The following SHISA9 variants were observed in gnomAD, a reference collection of about 807,000 sequenced individuals.
The protein encoded by SHISA9 is shisa family member 9, also known as protein shisa-9.
Under a neutral mutation model 38.0 loss-of-function variants are expected in SHISA9, and 13 were observed. The ratio of observed to expected loss-of-function variants is 0.34; its 90% CI spans 0.22 to 0.54. The LOEUF is 0.54. Among genes scored for constraint, SHISA9 ranks in the 20% least tolerant of loss-of-function variants. The pLI is 0.91. For missense variants in SHISA9, 538 were observed against 575.8 expected, an observed-to-expected ratio of 0.93 and a Z score of 0.67; for synonymous variants, 275 against 242.0, an observed-to-expected ratio of 1.14 and a Z score of -1.27.
the SHISA9 span, among the ~76,000 whole-genome samples, chr16:13,560,927 A>C: frequency 6.6e-6 from 1 of 152,076 alleles, no homozygotes; most frequent in East Asian, 1.9e-4. Context: ...GCAGTGGCAC[A>C]ATCTCGGCTC....
At chr16:13,047,305 A>G (rs1477917840) in intron 2 of SHISA9, among the ~76,000 whole-genome samples, 2 of 151,714 alleles carry the variant, frequency 1.3e-5, no homozygotes, top group South Asian at 2.1e-4. Flanking sequence ...CAGGCTGTCC[A>G]TTCCTCCATC....
At chr16:13,358,113 C>T in the SHISA9 span, among the ~76,000 whole-genome samples, 2 of 152,158 alleles carry the variant, frequency 1.3e-5, no homozygotes, top group African/African-American at 2.4e-5. Context: ...AATCTTCCTT[C>T]ATCCAGCAAG....
chr16:12,983,721 C>T (rs1344005896), intron 2 of SHISA9, among the ~76,000 whole-genome samples: 1 of 152,194 alleles, frequency 6.6e-6, no homozygotes, highest in African/African-American at 2.4e-5. Flanking sequence ...ATCTCCTGAC[C>T]TTGTGATCCA....
intron 2 of SHISA9, among the ~76,000 whole-genome samples, chr16:13,157,837 C>A (rs1406479406): frequency 6.6e-6 from 1 of 152,180 alleles, no homozygotes; most frequent in African/African-American, 2.4e-5. Context: ...TCAGTGAACA[C>A]AGATTTGAGT....
the SHISA9 span, among the ~76,000 whole-genome samples, chr16:13,356,510 C>A: frequency 2.0e-5 from 3 of 151,960 alleles, no homozygotes; most frequent in African/African-American, 7.3e-5. Flanking sequence ...AGTCACGGAA[C>A]GAAACGGTAA....
At chr16:13,243,036 C>T (rs556161552), downstream of SHISA9, among the ~76,000 whole-genome samples, 43 of 152,056 alleles carry the variant, frequency 2.8e-4, no homozygotes, top group African/African-American at 8.9e-4. Flanking sequence ...GTCAGGAGTT[C>T]GAGACCAGCC....
At chr16:13,142,361 C>T (rs2050409250) in intron 2 of SHISA9, among the ~76,000 whole-genome samples, 1 of 152,190 alleles carries the variant, frequency 6.6e-6, no homozygotes, top group African/African-American at 2.4e-5. Flanking sequence ...AACTATATTG[C>T]CTGAGGCGGG....
the SHISA9 span, among the ~76,000 whole-genome samples, chr16:13,250,287 G>T: frequency 1.3e-5 from 2 of 152,180 alleles, no homozygotes; most frequent in African/African-American, 2.4e-5. Context: ...AAGCTTAGGG[G>T]TGGAGGAGTG....
At chr16:12,923,986 C>G (rs1011019263) in intron 2 of SHISA9, among the ~76,000 whole-genome samples, 4 of 152,134 alleles carry the variant, frequency 2.6e-5, no homozygotes, top group African/African-American at 9.7e-5. Context: ...GGGTAGGGAT[C>G]AGGACCATCT....
chr16:13,301,640 T>C, the SHISA9 span, among the ~76,000 whole-genome samples: 1 of 152,210 alleles, frequency 6.6e-6, no homozygotes, highest in Non-Finnish European at 1.5e-5. Context: ...TTTGAAAGGG[T>C]ATTTAATTTC....
intron 2 of SHISA9, among the ~76,000 whole-genome samples, chr16:12,948,006 C>T (rs892260465): frequency 1.3e-5 from 2 of 152,140 alleles, no homozygotes; most frequent in South Asian, 4.1e-4. Flanking sequence ...AACACCATAG[C>T]CTTTGGGGCT....
At chr16:13,426,568 AG>A in the SHISA9 span, among the ~76,000 whole-genome samples, 2 of 152,196 alleles carry the variant, frequency 1.3e-5, no homozygotes, top group Non-Finnish European at 2.9e-5. Context: ...TTTTAGACCA[AG>A]GCCACTTAAT....
At chr16:13,194,896 T>C (rs945299027) in intron 2 of SHISA9, among the ~76,000 whole-genome samples, 1 of 152,208 alleles carries the variant, frequency 6.6e-6, no homozygotes, top group African/African-American at 2.4e-5. Context: ...GAGCCAGGTT[T>C]ATTATTCTTG....
At chr16:13,376,592 C>T in the SHISA9 span, among the ~76,000 whole-genome samples, 1 of 152,180 alleles carries the variant, frequency 6.6e-6, no homozygotes, top group African/African-American at 2.4e-5. Flanking sequence ...TGAGCAAACA[C>T]ATGGATTTTT....
At chr16:12,975,126 T>G (rs76004760) in intron 2 of SHISA9, among the ~76,000 whole-genome samples, 1,681 of 152,272 alleles carry the variant, frequency 0.011, 34 homozygotes, top group African/African-American at 0.038. Context: ...GGGGCTTTTG[T>G]TTAAGTGTGT....
the SHISA9 span, among the ~76,000 whole-genome samples, chr16:13,351,868 G>A: frequency 1.2e-4 from 19 of 152,182 alleles, no homozygotes; most frequent in African/African-American, 4.6e-4. Context: ...GATCAAACAC[G>A]GGGAACTGTA....
At chr16:13,254,030 T>C in the SHISA9 span, among the ~76,000 whole-genome samples, 1 of 152,184 alleles carries the variant, frequency 6.6e-6, no homozygotes, top group African/African-American at 2.4e-5. Flanking sequence ...TACTGCACAC[T>C]TCAGTGGTAG....
the SHISA9 span, among the ~76,000 whole-genome samples, chr16:13,260,007 C>CTTTTTTTTTTTTTTTTTTTTTTTTT: frequency 1.2e-4 from 7 of 60,418 alleles, 1 homozygote; most frequent in African/African-American, 1.3e-4. Flanking sequence ...TTCTTTCTTT[C>CTTTTTTTTTTTTTTTTTTTTTTTTT]TTTTTTTTTT....
At chr16:13,545,928 T>C in the SHISA9 span, among the ~76,000 whole-genome samples, 2 of 152,284 alleles carry the variant, frequency 1.3e-5, no homozygotes, top group South Asian at 4.1e-4. Flanking sequence ...CTGGGACTTT[T>C]AATTTGGATT....
Sources: gnomAD v4.1 joint callset for allele counts (sites outside exome capture counted in the v4.1 genomes callset) on GRCh38, gnomAD v4.1.1 for gene constraint, MANE v1.5 for transcripts, NCBI Gene and HGNC (gene_info 2026-07-23, HGNC 2026-07-21) for gene names.